The following PARD3B variants were observed in gnomAD, a reference collection of about 807,000 sequenced individuals.
PARD3B encodes partitioning defective 3 homolog B.
PARD3B carries 103 observed loss-of-function variants against 130.2 expected under a neutral mutation model. The observed-to-expected ratio is 0.79, with a 90% CI of 0.67 to 0.93. The LOEUF (loss-of-function observed/expected upper bound fraction) is 0.93, where lower values mean the gene tolerates loss of function less well. Among genes scored for constraint, PARD3B ranks in the 40% least tolerant of loss-of-function variants. The probability of loss-of-function intolerance (pLI) is 0.00; values close to 1 mark genes in which losing one functional copy is unlikely to be tolerated. For synonymous variants in PARD3B, 583 were observed against 553.2 expected, an observed-to-expected ratio of 1.05 and a Z score of -0.76; for missense variants, 1,609 against 1,499.2, an observed-to-expected ratio of 1.07 and a Z score of -1.21.
rs983551340 is a variant in PARD3B at position 205,230,407 on chromosome 2, G to A, written c.2141-15371G>A. Among the ~76,000 whole-genome samples, 11 of 152,200 alleles carry A rather than the reference G, an allele frequency of 7.2e-5. No individual in the cohort carries two copies. The highest frequency in any genetic ancestry group is 2.7e-4 in the African/African-American group (11 of 41,460). ...AAGCTGCGAGTTTCCTTCTGGCAGA[G>A]TGTGTGTCTGGAAATGTCATCCAGG... On this transcript the variant is annotated intron_variant, in intron 15 of 22. Coordinates refer to ENST00000406610, the MANE Select transcript of PARD3B (RefSeq NM_001302769.2). This position sits in a 1 kb window ranked among gnomAD's most constrained non-coding sequence, Gnocchi z 4.1.
chr2:205,134,935 A>G (rs1005642140), intron 10 of PARD3B, among the ~76,000 whole-genome samples: 2 of 152,074 alleles, frequency 1.3e-5, no homozygotes, highest in East Asian at 1.9e-4. Context: ...GGAGTGTTCT[A>G]TGTTGTAAAG....
chr2:205,107,821 T>C (rs981728712), intron 5 of PARD3B, among the ~76,000 whole-genome samples: 1 of 152,222 alleles, frequency 6.6e-6, no homozygotes, highest in Non-Finnish European at 1.5e-5. Flanking sequence ...CTTATTTTGA[T>C]CTTAAAAAGA....
intron 19 of PARD3B, among the ~76,000 whole-genome samples, chr2:205,416,955 G>A (rs2106075818): frequency 6.6e-6 from 1 of 152,084 alleles, no homozygotes; most frequent in East Asian, 1.9e-4. Context: ...TTTACTTTAA[G>A]TTCTAGGGTA....
chr2:204,865,422 G>A (rs2045368986), intron 2 of PARD3B, among the ~76,000 whole-genome samples: 1 of 152,116 alleles, frequency 6.6e-6, no homozygotes, highest in South Asian at 2.1e-4. Flanking sequence ...AAGCAAATGT[G>A]GCATATATAT....
chr2:204,824,567 A>T (rs2043495227), intron 2 of PARD3B, among the ~76,000 whole-genome samples: 1 of 152,120 alleles, frequency 6.6e-6, no homozygotes, highest in African/African-American at 2.4e-5. Flanking sequence ...GAGAAAATAG[A>T]GCTGCCAGAA....
chr2:205,494,016 C>T (rs2049833248), intron 20 of PARD3B, among the ~76,000 whole-genome samples: 1 of 152,072 alleles, frequency 6.6e-6, no homozygotes, highest in Admixed American at 6.6e-5. Context: ...CCACCTCAGC[C>T]TCCCAAGTGC....
intron 22 of PARD3B, among the ~76,000 whole-genome samples, chr2:205,605,633 C>T (rs1165147702): frequency 6.6e-6 from 1 of 152,134 alleles, no homozygotes; most frequent in African/African-American, 2.4e-5. Context: ...TGTAGGATCT[C>T]TGTCCCAGAG....
intron 22 of PARD3B, among the ~76,000 whole-genome samples, chr2:205,609,258 T>A (rs1463522315): frequency 6.6e-6 from 1 of 152,218 alleles, no homozygotes; most frequent in Admixed American, 6.5e-5. Context: ...TCTGTGCACA[T>A]AGCATGGGCG....
chr2:205,513,803 T>G (rs1203605895), intron 21 of PARD3B, among the ~76,000 whole-genome samples: 1 of 152,064 alleles, frequency 6.6e-6, no homozygotes, highest in Non-Finnish European at 1.5e-5. Flanking sequence ...AAACATAATT[T>G]CAAATATAAT....
intron 3 of PARD3B, among the ~76,000 whole-genome samples, chr2:204,998,190 G>T (rs1694404644): frequency 6.7e-6 from 1 of 148,708 alleles, no homozygotes; most frequent in African/African-American, 2.5e-5. Context: ...TCTAGGAGAG[G>T]GATAGCATTA....
Position 204,610,370 on chromosome 2 carries a change from C to G in PARD3B, c.120+64251C>G, listed in dbSNP as rs933137215. The stretch of plus-strand genomic sequence containing the variant: ...TTATTCTGACTTATTGTTCCCTTGT[C>G]CTTTTTATGGAGTCTCCCTCTGTTG... On this transcript the variant is annotated intron_variant, in intron 1 of 22. Transcript: ENST00000406610. The surrounding 1 kb of genome is among the most constrained non-coding windows in gnomAD (Gnocchi z 4.1). 6.6e-6 allele frequency among the ~76,000 whole-genome samples: 1 copy of G among 152,250 alleles called. No individual in the cohort carries two copies. Among genetic ancestry groups the G allele is most frequent in the Admixed American group, 6.5e-5 (1 of 15,286 alleles).
intron 15 of PARD3B, among the ~76,000 whole-genome samples, chr2:205,245,333 T>C (rs547405705): frequency 6.6e-6 from 1 of 152,344 alleles, no homozygotes; most frequent in African/African-American, 2.4e-5. Context: ...GAATTACAAA[T>C]CTGTTCCCTT....
At chr2:204,681,640 G>T (rs980898638) in intron 1 of PARD3B, among the ~76,000 whole-genome samples, 2 of 152,150 alleles carry the variant, frequency 1.3e-5, no homozygotes, top group Non-Finnish European at 2.9e-5. Context: ...TTGTTTGGGT[G>T]TCATTTTCCA....
At chr2:205,154,764 G>T (rs2125703436) in intron 10 of PARD3B, among the ~76,000 whole-genome samples, 1 of 152,274 alleles carries the variant, frequency 6.6e-6, no homozygotes, top group Non-Finnish European at 1.5e-5. Context: ...GATGAAGCTG[G>T]AAACCATCAT....
intron 1 of PARD3B, among the ~76,000 whole-genome samples, chr2:204,649,349 T>A (rs2035399971): frequency 6.6e-6 from 1 of 151,910 alleles, no homozygotes; most frequent in Non-Finnish European, 1.5e-5. Context: ...TCACACTGTT[T>A]TCCAAGGAGA....
chr2:205,413,380 G>A (rs1432558515), intron 19 of PARD3B, among the ~76,000 whole-genome samples: 1 of 152,034 alleles, frequency 6.6e-6, no homozygotes, highest in East Asian at 1.9e-4. Context: ...GGATGATATT[G>A]TAATCATTTT....
rs1355461185 is a variant in PARD3B at position 204,887,022 on chromosome 2, C to T, written c.223-78130C>T. On this transcript the variant is annotated intron_variant, in intron 2 of 22. Transcript: ENST00000406610. This position sits in a 1 kb window ranked among gnomAD's most constrained non-coding sequence, Gnocchi z 4.2. The stretch of plus-strand genomic sequence containing the variant: ...GTATCATTATACTGAGTGTTTTATG[C>T]AGAAAACCCTTTGAGGCATTTTTTT... Among the ~76,000 whole-genome samples, 1 of 152,244 alleles carries T rather than the reference C, an allele frequency of 6.6e-6. No homozygotes were observed. The highest frequency in any genetic ancestry group is 1.9e-4 in the East Asian group (1 of 5,180).
chr2:205,329,192 T>C (rs1237002022), intron 18 of PARD3B, among the ~76,000 whole-genome samples: 2 of 152,202 alleles, frequency 1.3e-5, no homozygotes, highest in African/African-American at 4.8e-5. Context: ...TAGTAACTTG[T>C]CACTGACTAC....
intron 22 of PARD3B, among the ~76,000 whole-genome samples, chr2:205,598,363 C>CAA (rs376055421): frequency 4.7e-5 from 6 of 127,930 alleles, no homozygotes; most frequent in African/African-American, 1.7e-4. Flanking sequence ...TCAGAAAGGA[C>CAA]AAAAAAAAAA....
Sources: allele counts gnomAD v4.1 joint callset (sites outside exome capture counted in the v4.1 genomes callset), GRCh38; gene constraint gnomAD v4.1.1; non-coding constraint Gnocchi (gnomAD v3.1); transcripts MANE v1.5; gene names NCBI Gene and HGNC (gene_info 2026-07-23, HGNC 2026-07-21).